The following GPR78 variants were observed in gnomAD, a reference collection of about 807,000 sequenced individuals.
The protein encoded by GPR78 is G protein-coupled receptor 78.
In GPR78, 29 loss-of-function variants were observed where a neutral mutation model predicts 17.9. That is an observed-to-expected ratio of 1.62 (90% confidence interval 1.20 to 2.21). The LOEUF (loss-of-function observed/expected upper bound fraction) is 2.21, where lower values mean the gene tolerates loss of function less well. Among genes scored for constraint, GPR78 ranks in the 30% most tolerant of loss-of-function variants. GPR78 has a pLI of 0.00. For missense variants in GPR78, 649 were observed against 530.5 expected, an observed-to-expected ratio of 1.22 and a Z score of -2.19; for synonymous variants, 349 against 256.9, an observed-to-expected ratio of 1.36 and a Z score of -3.43.
rs1244898958 is a variant in GPR78, at chr4:8,587,205, C to G, written c.934C>G (p.Leu312Val). 1 of 1,610,874 alleles carries G rather than the reference C, an allele frequency of 6.2e-7. No individual in the cohort carries two copies. The highest frequency in any genetic ancestry group is 2.2e-5 in the East Asian group (1 of 44,882). Residue 312 changes from leucine to valine, a missense_variant, in exon 3 of 3, where the codon CTG (leucine) becomes GTG (valine). Transcript: ENST00000382487. ...AGTCCTGGCCGGCATGGTGCACCGG[C>G]TGCTGAAGAGAACCCCGCGCCCAGC... The part of the protein sequence containing the change: ...RQVLAGMVHR[L>V]LKRTPRPAST...
rs571371604 is a variant in GPR78, at chr4:8,589,626, G to A, written c.*2263G>A. On this transcript the variant is annotated 3_prime_UTR_variant, in exon 3 of 3. Transcript: ENST00000382487. Reference sequence around the variant, plus strand: ...AGGTGCGAGGAGCCTGCCAGCCAGTGGGGCCTACACTCTGTGTTATTGCAT... The same window carrying A: ...AGGTGCGAGGAGCCTGCCAGCCAGTAGGGCCTACACTCTGTGTTATTGCAT... Among the ~76,000 whole-genome samples, 1 of 152,376 alleles carries A rather than the reference G, an allele frequency of 6.6e-6. No homozygotes were observed. Among genetic ancestry groups the A allele is most frequent in the African/African-American group, 2.4e-5 (1 of 41,590 alleles).
chr4:8,585,392 T>A (rs1279361862), intron 2 of GPR78, among the ~76,000 whole-genome samples: 1 of 152,204 alleles, frequency 6.6e-6, no homozygotes, highest in Non-Finnish European at 1.5e-5. Flanking sequence ...TGTGTGTGGC[T>A]TTCTTACTCA....
At position 8,586,580 on chromosome 4, in the gene GPR78, C is replaced by G. The variant is rs535719907; in HGVS notation, c.783-474C>G. Among the ~76,000 whole-genome samples, 135 of 152,344 alleles carry G rather than the reference C, an allele frequency of 8.9e-4. 1 individual carries two copies. Among genetic ancestry groups the G allele is most frequent in the African/African-American group, 3.1e-3 (129 of 41,564 alleles). ...TATGAGCATTGTTCTGATCTGTTCT[C>G]AACATTGTCCAGGTTTGGGAGATAA... On this transcript the variant is annotated intron_variant, in intron 2 of 2. Transcript: ENST00000382487.
Position 8,587,322 on chromosome 4 carries a change from G to A in GPR78, c.1051G>A (p.Val351Met), listed in dbSNP as rs1467936928. The A allele has an allele frequency of 2.5e-6, 4 of 1,612,774 alleles. No homozygotes were observed. In the Admixed American group the frequency reaches 6.7e-5, roughly 27 times the overall value. ...CCCAGCGTCCACCCACAACGGCTCT[G>A]TGGACACAGAGAATGATTCCTGCCT... The part of the protein sequence containing the change: ...PRPASTHNGS[V>M]DTENDSCLQQ... The change falls in exon 3 of 3, where the codon GTG (valine) becomes ATG (methionine). Residue 351 changes from valine to methionine, a missense_variant. By Grantham distance (21) the Val-to-Met change is conservative. Coordinates refer to ENST00000382487, the MANE Select transcript of GPR78 (RefSeq NM_080819.5).
At position 8,587,220 on chromosome 4, in the gene GPR78, C is replaced by T; in HGVS notation, c.949C>T (p.Pro317Ser). Residue 317 changes from proline to serine, a missense_variant, in exon 3 of 3, where the codon CCG becomes TCG. Pro to Ser is a moderately conservative substitution (Grantham distance 74). Transcript: ENST00000382487. ...GMVHRLLKRT[P>S]RPASTHDSSL... ...GGTGCACCGGCTGCTGAAGAGAACC[C>T]CGCGCCCAGCATCCACCCATGACAG... 2 of 1,610,730 alleles carry T rather than the reference C, an allele frequency of 1.2e-6. No individual in the cohort carries two copies. Among genetic ancestry groups the T allele is most frequent in the Non-Finnish European group, 1.7e-6 (2 of 1,177,848 alleles).
In GPR78 at chr4:8,587,035, T is replaced by C; in HGVS notation, c.783-19T>C. On this transcript the variant is annotated intron_variant, in intron 2 of 2. Transcript: ENST00000382487. Reference sequence around the variant, plus strand: ...GTGCTGTCACTGTGGCTGAGTTAGCTGCTCCGCTTCCCCAACAGGCTGGCG... The same window carrying C: ...GTGCTGTCACTGTGGCTGAGTTAGCCGCTCCGCTTCCCCAACAGGCTGGCG... 6.2e-7 allele frequency: 1 copy of C among 1,605,262 alleles called. No homozygotes were observed. Among genetic ancestry groups the C allele is most frequent in the Non-Finnish European group, 8.5e-7 (1 of 1,174,576 alleles).
At chr4:8,582,854 A>C in intron 2 of GPR78, 1 of 544,872 alleles carries the variant, frequency 1.8e-6, no homozygotes. Flanking sequence ...CTGTCCTATA[A>C]ATGAGGAGAC....
In GPR78 at chr4:8,581,569, A is replaced by G. The variant is rs749072050; in HGVS notation, c.587A>G (p.His196Arg). 28 of 1,576,954 alleles carry G rather than the reference A, an allele frequency of 1.8e-5. No homozygotes were observed. The highest frequency in any genetic ancestry group is 2.4e-5 in the Non-Finnish European group (28 of 1,169,450). The change falls in exon 1 of 3, where the codon CAC becomes CGC. Residue 196 changes from histidine (H) to arginine (R), a missense_variant. His to Arg is a conservative substitution (Grantham distance 29). Coordinates refer to ENST00000382487, the MANE Select transcript of GPR78 (RefSeq NM_080819.5). ...CTCTGCCTCACCTCGCTCCAGGTGC[A>G]CCGGGTGGCACGCAGACACTGCCAG... ...AVLCLTSLQV[H>R]RVARRHCQRM...
At position 8,580,901 on chromosome 4, in the gene GPR78, T is replaced by G. The variant is rs1713246844; in HGVS notation, c.-82T>G. On this transcript the variant is annotated 5_prime_UTR_variant, in exon 1 of 3. Coordinates refer to ENST00000382487, the MANE Select transcript of GPR78 (RefSeq NM_080819.5). ...AGAAGCCGTGGGCGCGCCGCTCAGC[T>G]GCTCCATCGCCTCACTTTCCCAGGC... 1 of 1,293,650 alleles carries G rather than the reference T, an allele frequency of 7.7e-7. No homozygotes were observed. Among genetic ancestry groups the G allele is most frequent in the African/African-American group, 1.5e-5 (1 of 67,104 alleles). 80.1% of individuals were successfully genotyped at this position (1,293,650 alleles called of 1,614,324 possible). A position where few individuals can be genotyped will look rare whatever the true frequency, so the allele number is the denominator to read the frequency against.
intron 2 of GPR78, among the ~76,000 whole-genome samples, chr4:8,583,827 G>A (rs1713392420): frequency 6.6e-6 from 1 of 152,180 alleles, no homozygotes; most frequent in African/African-American, 2.4e-5. Flanking sequence ...TGGGACAGGA[G>A]CTCTTGGCAC....
chr4:8,586,140 G>T (rs1713495140), intron 2 of GPR78, among the ~76,000 whole-genome samples: 1 of 152,164 alleles, frequency 6.6e-6, no homozygotes, highest in South Asian at 2.1e-4. Context: ...CCCACCTAAG[G>T]CTGTGCTGCC....
In GPR78 at chr4:8,580,994, C is replaced by G; in HGVS notation, c.12C>G (p.Gly4=). Residue 4 remains glycine, a synonymous_variant, in exon 1 of 3, where the codon GGC becomes GGG. Transcript: ENST00000382487. MGP[G]EALLAGLLVM... is the part of the protein sequence containing the mutation. Reference sequence around the variant, plus strand: ...GAGCCGCTAGCGCCATGGGCCCCGGCGAGGCGCTGCTGGCGGGTCTCCTGG... The same window carrying G: ...GAGCCGCTAGCGCCATGGGCCCCGGGGAGGCGCTGCTGGCGGGTCTCCTGG... 2 of 1,585,698 alleles carry G rather than the reference C, an allele frequency of 1.3e-6. No individual in the cohort carries two copies. Among genetic ancestry groups the G allele is most frequent in the Non-Finnish European group, 1.7e-6 (2 of 1,167,412 alleles).
Position 8,580,925 on chromosome 4 carries a change from G to A in GPR78, c.-58G>A. The A allele has an allele frequency of 7.0e-7, 1 of 1,422,850 alleles. No homozygotes were observed. Among genetic ancestry groups the A allele is most frequent in the East Asian group, 2.5e-5 (1 of 40,176 alleles). 88.1% of individuals were successfully genotyped at this position (1,422,850 alleles called of 1,614,324 possible). A position where few individuals can be genotyped will look rare whatever the true frequency, so the allele number is the denominator to read the frequency against. On this transcript the variant is annotated 5_prime_UTR_variant, in exon 1 of 3. Transcript: ENST00000382487. ...CTGCTCCATCGCCTCACTTTCCCAGGCTCGCGCCCGAAGCAGAGCCATGAG... is the reference window on the plus strand; with the variant it reads ...CTGCTCCATCGCCTCACTTTCCCAGACTCGCGCCCGAAGCAGAGCCATGAG...
chr4:8,587,022 T>A, intron 2 of GPR78, 32 bp from the exon 3 acceptor site: 1 of 1,596,006 alleles, frequency 6.3e-7, no homozygotes, highest in Non-Finnish European at 8.6e-7. Flanking sequence ...GCTGTCACTG[T>A]GGCTGAGTTA....
chr4:8,582,744 C>T lies in GPR78; in HGVS notation c.782+100C>T, dbSNP rs186447375. 6.7e-5 allele frequency: 53 copies of T among 795,410 alleles called. 1 individual carries two copies. The highest frequency in any genetic ancestry group is 5.7e-4 in the East Asian group (23 of 40,572). 49.3% of individuals were successfully genotyped at this position (795,410 alleles called of 1,614,324 possible). On this transcript the variant is annotated intron_variant, in intron 2 of 2. Coordinates refer to ENST00000382487, the MANE Select transcript of GPR78 (RefSeq NM_080819.5). Reference sequence around the variant, plus strand: ...GTTTCCCAGCAAGATATCTGGAGGGCGGCCACCACCAGAGGACCCTCCTCC... The same window carrying T: ...GTTTCCCAGCAAGATATCTGGAGGGTGGCCACCACCAGAGGACCCTCCTCC...
chr4:8,585,684 T>C (rs1272862784), intron 2 of GPR78, among the ~76,000 whole-genome samples: 1 of 152,130 alleles, frequency 6.6e-6, no homozygotes. Flanking sequence ...CCTGCCCTGA[T>C]TTTTGGATTC....
intron 2 of GPR78, among the ~76,000 whole-genome samples, chr4:8,586,341 G>A (rs1052167277): frequency 3.2e-4 from 48 of 152,190 alleles, no homozygotes; most frequent in African/African-American, 1.1e-3. Context: ...GTGAGACTGA[G>A]CCTTTCTTAT....
Position 8,581,347 on chromosome 4 carries a change from A to T in GPR78, c.365A>T (p.Tyr122Phe), listed in dbSNP as rs778227350. ...LRYAGRLRPR[Y>F]AGLLLGCAWG... is the part of the protein sequence containing the mutation. ...TACGCCGGACGCCTGCGACCGCGCT[A>T]TGCCGGCCTGCTGCTGGGCTGTGCC... Residue 122 changes from tyrosine (Y) to phenylalanine (F), a missense_variant, in exon 1 of 3, where the codon TAT becomes TTT. Tyr to Phe is a conservative substitution (Grantham distance 22). Coordinates refer to ENST00000382487, the MANE Select transcript of GPR78 (RefSeq NM_080819.5). 6 of 1,578,892 alleles carry T rather than the reference A, an allele frequency of 3.8e-6. No individual in the cohort carries two copies. Among genetic ancestry groups the T allele is most frequent in the South Asian group, 3.4e-5 (3 of 88,178 alleles).
In GPR78 at chr4:8,588,778, G is replaced by T. The variant is rs138092759; in HGVS notation, c.*1415G>T. Among the ~76,000 whole-genome samples, 1 of 152,234 alleles carries T rather than the reference G, an allele frequency of 6.6e-6. No homozygotes were observed. Among genetic ancestry groups the T allele is most frequent in the Non-Finnish European group, 1.5e-5 (1 of 68,050 alleles). On this transcript the variant is annotated 3_prime_UTR_variant, in exon 3 of 3. Coordinates refer to ENST00000382487, the MANE Select transcript of GPR78 (RefSeq NM_080819.5). ...GCTGAATTCTTCAAAGACACACGCG[G>T]TCGTCACTTGCTCTTGGCATTAACG...
Sources: allele counts gnomAD v4.1 joint callset (sites outside exome capture counted in the v4.1 genomes callset), GRCh38; gene constraint gnomAD v4.1.1; transcripts MANE v1.5; gene names NCBI Gene and HGNC (gene_info 2026-07-23, HGNC 2026-07-21).